Variants in PPAT observed in about 807,000 individuals in gnomAD.
PPAT encodes the protein phosphoribosyl pyrophosphate amidotransferase, also known as amidophosphoribosyltransferase.
Under a neutral mutation model 60.2 loss-of-function variants are expected in PPAT, and 20 were observed. That is an observed-to-expected ratio of 0.33 (90% CI 0.23 to 0.48). The LOEUF (loss-of-function observed/expected upper bound fraction) is 0.48. PPAT is among the 20% of genes least tolerant of loss of function. The pLI is 0.99. For missense variants in PPAT, 349 were observed against 629.6 expected, an observed-to-expected ratio of 0.55 and a Z score of 4.77; for synonymous variants, 194 against 215.1, an observed-to-expected ratio of 0.90 and a Z score of 0.86.
rs1715906164 is a variant in PPAT, at chr4:56,394,223, TATAAG to T, written c.*1124_*1128del. On this transcript the variant is annotated 3_prime_UTR_variant, in exon 11 of 11. Transcript: ENST00000264220. ...TCTTAATATAGTAGAAAAAAGTGAT[TATAAG>T]ATGATACTTGGACTTGGATTGTAAG... The T allele has an allele frequency of 1.3e-5, 2 of 152,258 alleles. No individual in the cohort carries two copies. The highest frequency in any genetic ancestry group is 4.1e-4 in the South Asian group (2 of 4,820). 9.4% of individuals were successfully genotyped at this position (152,258 alleles called of 1,614,324 possible).
At chr4:56,417,278 T>C (rs1716808253) in intron 1 of PPAT, among the ~76,000 whole-genome samples, 1 of 152,018 alleles carries the variant, frequency 6.6e-6, no homozygotes, top group African/African-American at 2.4e-5. Flanking sequence ...CATTAAATAT[T>C]TGTAACCTAA....
chr4:56,400,981 T>A, intron 7 of PPAT, 70 bp from the exon 8 acceptor site: 1 of 1,430,012 alleles, frequency 7.0e-7, no homozygotes, highest in Non-Finnish European at 9.7e-7. Context: ...TCTAAAAAAC[T>A]AGTGCTAGAA....
At chr4:56,430,173 C>T (rs2110068084) in intron 1 of PPAT, among the ~76,000 whole-genome samples, 1 of 152,248 alleles carries the variant, frequency 6.6e-6, no homozygotes, top group South Asian at 2.1e-4. Context: ...TCAGCTGTTT[C>T]CAGATTGGGG....
At chr4:56,413,598 A>C (rs963653385) in intron 1 of PPAT, among the ~76,000 whole-genome samples, 4 of 152,174 alleles carry the variant, frequency 2.6e-5, no homozygotes, top group Non-Finnish European at 5.9e-5. Flanking sequence ...AAATTTGATA[A>C]GTAAATAATG....
chr4:56,413,707 C>T (rs1229047908), intron 1 of PPAT, among the ~76,000 whole-genome samples: 1 of 151,872 alleles, frequency 6.6e-6, no homozygotes, highest in Admixed American at 6.6e-5. Context: ...ACCAGCCTGA[C>T]CAACATGGTG....
chr4:56,400,242 T>G (rs1210681810), intron 8 of PPAT: 1 of 152,342 alleles, frequency 6.6e-6, no homozygotes, highest in Non-Finnish European at 1.5e-5. Context: ...GAAGATCCAC[T>G]TTCACATAAG....
At chr4:56,403,603 CAG>C (rs770425279) in intron 3 of PPAT, among the ~76,000 whole-genome samples, 40 of 152,280 alleles carry the variant, frequency 2.6e-4, no homozygotes, top group African/African-American at 7.9e-4. Flanking sequence ...GGACCAGGGA[CAG>C]GGGATGATTT....
intron 3 of PPAT, among the ~76,000 whole-genome samples, chr4:56,404,679 TTGTC>T (rs3839137): frequency 0.22 from 33,121 of 152,018 alleles, 4,058 homozygotes; most frequent in East Asian, 0.39. Context: ...ACTTTCATGA[TTGTC>T]TGAATTTTTA....
chr4:56,432,828 A>C (rs1475199025), intron 1 of PPAT, among the ~76,000 whole-genome samples: 1 of 151,432 alleles, frequency 6.6e-6, no homozygotes, highest in Non-Finnish European at 1.5e-5. Flanking sequence ...TATAAGAAAT[A>C]AATTCCTTCA....
At chr4:56,412,248 A>G (rs1490606575) in intron 1 of PPAT, among the ~76,000 whole-genome samples, 1 of 151,180 alleles carries the variant, frequency 6.6e-6, no homozygotes, top group East Asian at 1.9e-4. Flanking sequence ...CAACATAACT[A>G]TGCACGTTTA....
chr4:56,406,792 A>G, intron 2 of PPAT, 91 bp from the exon 3 acceptor site: 1 of 864,610 alleles, frequency 1.2e-6, no homozygotes, highest in Non-Finnish European at 1.8e-6. Context: ...AATCCAAATA[A>G]GACAAAGAAG....
At chr4:56,428,262 T>C (rs1480962475) in intron 1 of PPAT, among the ~76,000 whole-genome samples, 2 of 152,162 alleles carry the variant, frequency 1.3e-5, no homozygotes, top group Non-Finnish European at 2.9e-5. Flanking sequence ...CTTTAGAAGA[T>C]GCTAAAAGTC....
rs1050272780 is a variant in PPAT at position 56,435,589 on chromosome 4, T to A, written c.-112A>T. 10 of 1,565,612 alleles carry A rather than the reference T, an allele frequency of 6.4e-6. No individual in the cohort carries two copies. Among genetic ancestry groups the A allele is most frequent in the South Asian group, 1.2e-5 (1 of 85,288 alleles). On this transcript the variant is annotated 5_prime_UTR_variant, in exon 1 of 11. Transcript: ENST00000264220. The stretch of plus-strand genomic sequence containing the variant: ...GAAGCTCGCGCTCGCGACAGGCTCT[T>A]CCTTCCCGAGGGTGGCCCCAGCTAC...
intron 1 of PPAT, among the ~76,000 whole-genome samples, chr4:56,425,768 G>C (rs187641958): frequency 1.9e-4 from 29 of 152,322 alleles, no homozygotes; most frequent in Non-Finnish European, 8.8e-5. Context: ...TGACCTCCAT[G>C]AAGGAGAGTG....
rs753710607 is a variant in PPAT at position 56,396,779 on chromosome 4, T to C, written c.1237-40A>G. ...ATTGCACACAAGGTTTTTAAGACTA[T>C]GCAAAATTCTTTCATTGTGCAAATA... On this transcript the variant is annotated intron_variant, in intron 9 of 10. Transcript: ENST00000264220. This position sits in a 1 kb window ranked among gnomAD's most constrained non-coding sequence, Gnocchi z 4.6. The C allele has an allele frequency of 1.9e-6, 3 of 1,574,840 alleles. No homozygotes were observed. In the African/African-American group the frequency reaches 4.1e-5, roughly 22 times the overall value.
At chr4:56,401,010 A>C in intron 7 of PPAT, 99 bp from the exon 8 acceptor site, 1 of 1,232,984 alleles carries the variant, frequency 8.1e-7, no homozygotes, top group South Asian at 1.6e-5. Context: ...ATTGAGTATA[A>C]AAAGAAATGC....
At chr4:56,416,485 C>A (rs764189639) in intron 1 of PPAT, 44 of 214,816 alleles carry the variant, frequency 2.0e-4, no homozygotes, top group Non-Finnish European at 3.3e-4. Flanking sequence ...TAATTTCAAA[C>A]GGAAAGACTG....
At chr4:56,399,500 C>T in intron 8 of PPAT, 100 bp from the exon 9 acceptor site, 4 of 941,890 alleles carry the variant, frequency 4.2e-6, no homozygotes, top group Non-Finnish European at 6.2e-6. Context: ...AGTAAAATTT[C>T]AAAATAATTT....
intron 1 of PPAT, chr4:56,414,187 T>C (rs915789058): frequency 1.3e-5 from 2 of 152,250 alleles, no homozygotes; most frequent in Non-Finnish European, 2.9e-5. Context: ...CCAGGTTTGA[T>C]TCATTATGTA....
Sources: allele counts gnomAD v4.1 joint callset (sites outside exome capture counted in the v4.1 genomes callset), GRCh38; gene constraint gnomAD v4.1.1; non-coding constraint Gnocchi (gnomAD v3.1); transcripts MANE v1.5; gene names NCBI Gene and HGNC (gene_info 2026-07-23, HGNC 2026-07-21).